RNF38: variants seen among roughly 807,000 people sequenced by gnomAD.
RNF38 encodes ring finger protein 38, also known as E3 ubiquitin-protein ligase RNF38.
In RNF38, 15 loss-of-function variants were observed where a neutral mutation model predicts 67.2. The observed-to-expected ratio is 0.22, with a 90% CI of 0.15 to 0.34. RNF38 has a LOEUF of 0.34. Among genes scored for constraint, RNF38 ranks in the 10% least tolerant of loss-of-function variants. RNF38 has a pLI of 1.00. For synonymous variants in RNF38, 220 were observed against 218.8 expected (o/e 1.01, Z -0.05); for missense variants, 524 against 639.9 (o/e 0.82, Z 1.95).
intron 1 of RNF38, among the ~76,000 whole-genome samples, chr9:36,484,698 C>A (rs545518057): frequency 2.1e-4 from 32 of 152,242 alleles, no homozygotes; most frequent in African/African-American, 7.5e-4. Context: ...ATGGGCATAG[C>A]CACAAACAAT....
At chr9:36,478,650 G>A (rs144897193) in intron 1 of RNF38, among the ~76,000 whole-genome samples, 7,606 of 150,670 alleles carry the variant, frequency 0.05, 588 homozygotes, top group African/African-American at 0.17. Flanking sequence ...AAACCCCGTC[G>A]CTACTAAAAA....
intron 2 of RNF38, among the ~76,000 whole-genome samples, chr9:36,420,941 A>AT (rs1465395150): frequency 5.3e-5 from 8 of 152,198 alleles, no homozygotes; most frequent in African/African-American, 9.6e-5. Context: ...AAACAGATAC[A>AT]TATCAGGAGA....
In RNF38 at chr9:36,375,978, G is replaced by A. The variant is rs199958400; in HGVS notation, c.312C>T (p.His104=). 9.3e-5 allele frequency: 150 copies of A among 1,613,240 alleles called. No individual in the cohort carries two copies. The highest frequency in any genetic ancestry group is 1.2e-4 in the Non-Finnish European group (145 of 1,179,714). Reference sequence around the variant, plus strand: ...GTGTGTTGCATCGTTCCCCTGAGAAGTGATGTTGGCTTGGTCGAACTGAAG... The same window carrying A: ...GTGTGTTGCATCGTTCCCCTGAGAAATGATGTTGGCTTGGTCGAACTGAAG... ...QPPSVRPSQH[H]FSGERCNTPA... is the part of the protein sequence containing the mutation. The change falls in exon 3 of 12, where the codon CAC becomes CAT. Residue 104 remains histidine (H), a synonymous_variant. Transcript: ENST00000259605.
chr9:36,442,320 T>A lies in RNF38; in HGVS notation n.242-17637A>T, dbSNP rs2134302766. Among the ~76,000 whole-genome samples the A allele has an allele frequency of 1.3e-5, 2 of 152,310 alleles. 1 individual carries two copies. The highest frequency in any genetic ancestry group is 4.1e-4 in the South Asian group (2 of 4,830). Reference sequence around the variant, plus strand: ...ATGGTATCATCTCCCCTATGAACTTTTAGCAATGACTACTATTGGAGCTTG... The same window carrying A: ...ATGGTATCATCTCCCCTATGAACTTATAGCAATGACTACTATTGGAGCTTG... On this transcript the variant is annotated intron_variant and non_coding_transcript_variant, in intron 1 of 3. Coordinates refer to the RNF38 transcript ENST00000488058.
chr9:36,352,097 C>T (rs1401331693), intron 8 of RNF38, among the ~76,000 whole-genome samples: 1 of 152,082 alleles, frequency 6.6e-6, no homozygotes, highest in South Asian at 2.1e-4. Context: ...GTCAGGAGTT[C>T]GTGAGCAGCC....
chr9:36,409,317 A>C lies in RNF38; in HGVS notation n.312+15296T>G, dbSNP rs562200851. 4.3e-5 allele frequency among the ~76,000 whole-genome samples: 6 copies of C among 138,250 alleles called. No homozygotes were observed. The South Asian group carries it at 1.2e-3, about 27-fold the overall frequency. The allele number at this position is 138,250 out of a possible 152,430, so 90.7% of individuals were successfully genotyped here. On this transcript the variant is annotated intron_variant and non_coding_transcript_variant, in intron 2 of 3. Coordinates refer to the RNF38 transcript ENST00000488058. ...AAAGAGAGAGAAAGAAAAAGAAAGA[A>C]AGAAAGAAAAAGAAAGAAAGAAAGA...
intron 2 of RNF38, 90 bp downstream of exon 2, chr9:36,390,377 G>A (rs1012417904): frequency 2.5e-5 from 27 of 1,072,928 alleles, no homozygotes; most frequent in Admixed American, 8.0e-5. Context: ...ACAAGGAGAC[G>A]ATATTGGGCA....
chr9:36,422,432 A>AAC (rs1260284785), intron 2 of RNF38, among the ~76,000 whole-genome samples: 1,685 of 151,580 alleles, frequency 0.011, 29 homozygotes, highest in African/African-American at 0.039. Context: ...CAAAAAACAA[A>AAC]AAAAAAAAAA....
At chr9:36,460,751 G>T (rs936093159) in intron 1 of RNF38, among the ~76,000 whole-genome samples, 1 of 151,892 alleles carries the variant, frequency 6.6e-6, no homozygotes, top group Non-Finnish European at 1.5e-5. Context: ...GCCAGGCGTG[G>T]TGGCACATGC....
At chr9:36,364,688 C>T (rs1258671468) in intron 4 of RNF38, among the ~76,000 whole-genome samples, 1 of 152,152 alleles carries the variant, frequency 6.6e-6, no homozygotes, top group Admixed American at 6.5e-5. Flanking sequence ...AGCTACTTTG[C>T]CCACCTGTTC....
chr9:36,395,462 T>C (rs1837447067), intron 1 of RNF38, among the ~76,000 whole-genome samples: 1 of 152,108 alleles, frequency 6.6e-6, no homozygotes, highest in South Asian at 2.1e-4. Flanking sequence ...TACCAACTGG[T>C]CGGTCAAAAG....
intron 9 of RNF38, among the ~76,000 whole-genome samples, chr9:36,348,054 C>T (rs925774002): frequency 2.0e-5 from 3 of 151,842 alleles, no homozygotes; most frequent in Admixed American, 2.0e-4. Flanking sequence ...CCAGCCTGGG[C>T]AACAGAGTGA....
At chr9:36,412,596 C>A (rs557206189) in intron 2 of RNF38, among the ~76,000 whole-genome samples, 4 of 152,120 alleles carry the variant, frequency 2.6e-5, no homozygotes, top group South Asian at 2.1e-4. Flanking sequence ...TGGTGAAGAG[C>A]GAGATGAGAT....
At chr9:36,455,643 C>T (rs1839571517) in intron 1 of RNF38, among the ~76,000 whole-genome samples, 1 of 151,516 alleles carries the variant, frequency 6.6e-6, no homozygotes, top group Non-Finnish European at 1.5e-5. Context: ...TACAGCACAT[C>T]TATAATCTCA....
chr9:36,429,293 C>A (rs1490647214), intron 1 of RNF38, among the ~76,000 whole-genome samples: 1 of 152,216 alleles, frequency 6.6e-6, no homozygotes, highest in Non-Finnish European at 1.5e-5. Context: ...CCAAATCTTA[C>A]AGGCATTCCC....
chr9:36,446,900 C>T (rs1484349666), intron 1 of RNF38, among the ~76,000 whole-genome samples: 1 of 142,300 alleles, frequency 7.0e-6, no homozygotes, highest in African/African-American at 2.6e-5. Context: ...GTGGGCGGAT[C>T]ACTTGAGGTC....
At chr9:36,417,195 C>T (rs1167981239) in intron 2 of RNF38, among the ~76,000 whole-genome samples, 1 of 152,188 alleles carries the variant, frequency 6.6e-6, no homozygotes, top group African/African-American at 2.4e-5. Context: ...CTTTCCCCCT[C>T]TTCACTTTGG....
chr9:36,347,444 G>GT (rs1235307238), intron 9 of RNF38, among the ~76,000 whole-genome samples: 1 of 152,176 alleles, frequency 6.6e-6, no homozygotes, highest in Non-Finnish European at 1.5e-5. Context: ...CAACAGTCAT[G>GT]TAGTCATTTC....
At chr9:36,416,644 G>A (rs1838476868) in intron 2 of RNF38, among the ~76,000 whole-genome samples, 1 of 151,750 alleles carries the variant, frequency 6.6e-6, no homozygotes. Context: ...ATTTCTAATG[G>A]CAGCCTTTCC....
Sources: allele counts gnomAD v4.1 joint callset (sites outside exome capture counted in the v4.1 genomes callset), GRCh38; gene constraint gnomAD v4.1.1; transcripts MANE v1.5; gene names NCBI Gene and HGNC (gene_info 2026-07-23, HGNC 2026-07-21).